MYH8: variants seen among roughly 807,000 people sequenced by gnomAD.
MYH8 encodes the protein myosin-8.
In MYH8, 168 loss-of-function variants were observed where a neutral mutation model predicts 233.2. That is an observed-to-expected ratio of 0.72 (90% CI 0.64 to 0.82). MYH8 has a LOEUF of 0.82. MYH8 is among the 40% of genes least tolerant of loss of function. The pLI is 0.00. For missense variants in MYH8, 1,995 were observed against 2,327.8 expected (o/e 0.86, Z 2.94); for synonymous variants, 785 against 850.6 (o/e 0.92, Z 1.34).
intron 17 of MYH8, among the ~76,000 whole-genome samples, chr17:10,407,853 TAAATA>T (rs1374609214): frequency 1.3e-5 from 2 of 150,512 alleles, no homozygotes; most frequent in African/African-American, 2.4e-5. Context: ...AAAAAATAAA[TAAATA>T]AAATAAAATA....
chr17:10,402,355 T>C (rs1185050017), intron 22 of MYH8, among the ~76,000 whole-genome samples: 1 of 152,230 alleles, frequency 6.6e-6, no homozygotes, highest in Non-Finnish European at 1.5e-5. Flanking sequence ...TATTTTTTAA[T>C]ACACTAAAAC....
rs1229462768 is a variant in MYH8, at chr17:10,419,837, T to C, written c.210+181A>G. On this transcript the variant is annotated intron_variant, in intron 3 of 39. Coordinates refer to ENST00000403437, the MANE Select transcript of MYH8 (RefSeq NM_002472.3). The surrounding 1 kb of genome is among the most constrained non-coding windows in gnomAD (Gnocchi z 4.0). ...TAGTGGGGTGAGGTCCTGTGCGAAG[T>C]TGGGAAGGGAAGACATGAAGGTACT... Among the ~76,000 whole-genome samples the C allele has an allele frequency of 6.6e-6, 1 of 152,102 alleles. No homozygotes were observed. Among genetic ancestry groups the C allele is most frequent in the Admixed American group, 6.5e-5 (1 of 15,276 alleles).
intron 39 of MYH8, among the ~76,000 whole-genome samples, chr17:10,391,576 A>G (rs1227557568): frequency 6.6e-6 from 1 of 152,116 alleles, no homozygotes; most frequent in Non-Finnish European, 1.5e-5. Flanking sequence ...GCTACTGGAG[A>G]GGCTGAGGCA....
In MYH8 at chr17:10,400,725, T is replaced by G; in HGVS notation, c.3400A>C (p.Lys1134Gln). 6.2e-7 allele frequency: 1 copy of G among 1,614,200 alleles called. No homozygotes were observed. The highest frequency in any genetic ancestry group is 8.5e-7 in the Non-Finnish European group (1 of 1,180,046). ...EIEAERASRA[K>Q]AEKQRSDLSR... ...AGGTCAGAGCGCTGCTTCTCCGCTTTGGCTCGGGACGCCCTCTCTGCCTCG... is the reference window on the plus strand; with the variant it reads ...AGGTCAGAGCGCTGCTTCTCCGCTTGGGCTCGGGACGCCCTCTCTGCCTCG... Residue 1134 changes from lysine to glutamine, a missense_variant, in exon 27 of 40, where the codon AAA becomes CAA. By Grantham distance (53) the Lys-to-Gln change is moderately conservative. This residue lies in a region of MYH8 where 1,498 missense variants were observed against 1,680.9 expected (regional missense o/e 0.89). Coordinates refer to ENST00000403437, the MANE Select transcript of MYH8 (RefSeq NM_002472.3). This position sits in a 1 kb window ranked among gnomAD's most constrained non-coding sequence, Gnocchi z 4.0.
At chr17:10,403,721 G>A (rs914385580) in intron 22 of MYH8, among the ~76,000 whole-genome samples, 2 of 152,206 alleles carry the variant, frequency 1.3e-5, no homozygotes, top group East Asian at 1.9e-4. Context: ...CTGAACCAAG[G>A]AAATGGGAGG....
Position 10,395,153 on chromosome 17 carries a change from T to A in MYH8, c.4942A>T (p.Asn1648Tyr). ...TTTACCTTCAGGATTCCTTGGGTGT[T>A]CCTGTAGTTCCTTAAACTCTCTGCA... ...LAAESLRNYR[N>Y]TQGILKETQL... Residue 1648 changes from asparagine (N) to tyrosine (Y), a missense_variant, in exon 34 of 40, where the codon AAC (asparagine) becomes TAC (tyrosine). Physicochemically the swap from Asn to Tyr is moderately radical, Grantham distance 143. Around this residue, in one of 3 missense-constraint regions of MYH8, gnomAD observed 1,498 missense variants for 1,680.9 expected, o/e 0.89. Coordinates refer to ENST00000403437, the MANE Select transcript of MYH8 (RefSeq NM_002472.3). 6.2e-7 allele frequency: 1 copy of A among 1,613,570 alleles called. No individual in the cohort carries two copies. Among genetic ancestry groups the A allele is most frequent in the Non-Finnish European group, 8.5e-7 (1 of 1,180,012 alleles).
intron 22 of MYH8, among the ~76,000 whole-genome samples, chr17:10,402,529 A>G (rs1016754535): frequency 2.6e-5 from 4 of 152,066 alleles, no homozygotes; most frequent in African/African-American, 9.7e-5. Flanking sequence ...TAATACAATA[A>G]ATTGCCATAT....
At chr17:10,412,244 C>A in intron 14 of MYH8, 126 bp downstream of exon 14, 1 of 1,578,534 alleles carries the variant, frequency 6.3e-7, no homozygotes, top group Non-Finnish European at 8.7e-7. Context: ...TTGGAGATAA[C>A]CTTTGTTCTA....
chr17:10,409,552 T>C lies in MYH8; in HGVS notation c.1624A>G (p.Met542Val). The C allele has an allele frequency of 6.2e-7, 1 of 1,614,246 alleles. No homozygotes were observed. The highest frequency in any genetic ancestry group is 8.5e-7 in the Non-Finnish European group (1 of 1,180,038). Residue 542 changes from methionine to valine, a missense_variant, in exon 16 of 40, where the codon ATG (methionine) becomes GTG (valine). Physicochemically the swap from Met to Val is conservative, Grantham distance 21. Transcript: ENST00000403437. ...GIFSILEEEC[M>V]FPKATDTSFK... is the part of the protein sequence containing the mutation. ...GAGGTGTCCGTTGCCTTAGGGAACA[T>C]GCACTCCTCTTCCAGGATGGAGAAG...
chr17:10,414,954 A>T lies in MYH8; in HGVS notation c.805+162T>A, dbSNP rs144874569. ...TCAAGTCTGAGATTGAGATAAAGGG[A>T]GCACTCAGTGGATTATGGGTAAGCC... On this transcript the variant is annotated intron_variant, in intron 9 of 39. Coordinates refer to ENST00000403437, the MANE Select transcript of MYH8 (RefSeq NM_002472.3). Among the ~76,000 whole-genome samples the T allele has an allele frequency of 3.9e-4, 60 of 152,314 alleles. No individual in the cohort carries two copies. In the East Asian group the frequency reaches 8.1e-3, roughly 21 times the overall value.
Position 10,412,712 on chromosome 17 carries a change from GGCT to G in MYH8, c.1161_1163del (p.Ala388del). On this transcript the variant is annotated inframe_deletion, in exon 13 of 40. Coordinates refer to ENST00000403437, the MANE Select transcript of MYH8 (RefSeq NM_002472.3). ...CTGCAGAGTTCAGACTCTGGAGATA[GGCT>G]GCCTTGTCAGCGACTGCAGAGACAC... is the stretch of plus-strand genomic sequence containing the variant. The G allele has an allele frequency of 6.2e-7, 1 of 1,614,116 alleles. No homozygotes were observed. The highest frequency in any genetic ancestry group is 8.5e-7 in the Non-Finnish European group (1 of 1,179,976).
intron 22 of MYH8, among the ~76,000 whole-genome samples, chr17:10,403,298 T>C (rs1022615074): frequency 3.3e-5 from 5 of 152,180 alleles, no homozygotes; most frequent in Non-Finnish European, 5.9e-5. Flanking sequence ...CAATAAAGTT[T>C]TTATAAGTGA....
In MYH8 at chr17:10,400,269, ATATAT is replaced by A; in HGVS notation, c.3735+116_3735+120del. The A allele has an allele frequency of 7.8e-7, 1 of 1,280,898 alleles. No homozygotes were observed. The highest frequency in any genetic ancestry group is 1.1e-6 in the Non-Finnish European group (1 of 890,608). 79.3% of individuals were successfully genotyped at this position (1,280,898 alleles called of 1,614,324 possible). On this transcript the variant is annotated intron_variant, in intron 27 of 39. Transcript: ENST00000403437. The surrounding 1 kb of genome is among the most constrained non-coding windows in gnomAD (Gnocchi z 4.0). ...ATTTTAAAAAATACCATAGAATGGG[ATATAT>A]TTGGTTAGAAAATATTTGAGTAGTG...
Position 10,418,898 on chromosome 17 carries a change from A to G in MYH8, c.343T>C (p.Trp115Arg). The part of the protein sequence containing the change: ...LYNLKERYAA[W>R]MIYTYSGLFC... ...TTACAGACACTCACGTAGATCATCC[A>G]GGCTGCATAGCGCTCTTTGAGGTTG... The change falls in exon 4 of 40, where the codon TGG becomes CGG. Residue 115 changes from tryptophan to arginine, a missense_variant. By Grantham distance (101) the Trp-to-Arg change is moderately radical. This residue lies in a region of MYH8 where 479 missense variants were observed against 600.9 expected (regional missense o/e 0.80). Transcript: ENST00000403437. 1.2e-6 allele frequency: 2 copies of G among 1,614,146 alleles called. No homozygotes were observed. The highest frequency in any genetic ancestry group is 1.7e-6 in the Non-Finnish European group (2 of 1,180,010).
Position 10,406,921 on chromosome 17 carries a change from C to T in MYH8, c.2024G>A (p.Cys675Tyr), listed in dbSNP as rs530070079. The T allele has an allele frequency of 9.9e-6, 16 of 1,614,074 alleles. No individual in the cohort carries two copies. In the Middle Eastern group the frequency reaches 4.9e-4, roughly 50 times the overall value. ...LRSTHPHFVR[C>Y]IIPNETKTPG... ...AGTTTTGGTTTCATTGGGAATGATA[C>T]ACCGTACGAAGTGAGGGTGTGTGCT... Residue 675 changes from cysteine to tyrosine, a missense_variant, in exon 18 of 40, where the codon TGT (cysteine) becomes TAT (tyrosine). By Grantham distance (194) the Cys-to-Tyr change is radical (BLOSUM62 -2). This residue lies in a region of MYH8 where 1,498 missense variants were observed against 1,680.9 expected (regional missense o/e 0.89). Coordinates refer to ENST00000403437, the MANE Select transcript of MYH8 (RefSeq NM_002472.3).
At chr17:10,408,224 C>G (rs2072213475) in intron 17 of MYH8, among the ~76,000 whole-genome samples, 1 of 151,996 alleles carries the variant, frequency 6.6e-6, no homozygotes, top group Non-Finnish European at 1.5e-5. Flanking sequence ...CAGGTGTGAG[C>G]CACTGCGCCC....
chr17:10,413,378 C>T (rs779919470), intron 12 of MYH8, among the ~76,000 whole-genome samples: 1 of 152,140 alleles, frequency 6.6e-6, no homozygotes, highest in African/African-American at 2.4e-5. Flanking sequence ...ATATTGCGTG[C>T]TCTTTCCATA....
In MYH8 at chr17:10,394,332, G is replaced by A; in HGVS notation, c.5083C>T (p.Leu1695=). 1 of 1,614,116 alleles carries A rather than the reference G, an allele frequency of 6.2e-7. No homozygotes were observed. Residue 1695 remains leucine (L), a synonymous_variant, in exon 35 of 40, where the codon CTG becomes TTG. Coordinates refer to ENST00000403437, the MANE Select transcript of MYH8 (RefSeq NM_002472.3). ...TTCCTGCTTCTCTCTGTCTGTTCCA[G>A]AGTGGCCCACAGCTCCTCGATCTCA... ...QAEIEELWAT[L]EQTERSRKIA...
rs2072321756 is a variant in MYH8, at chr17:10,419,959, G to T, written c.210+59C>A. On this transcript the variant is annotated intron_variant, in intron 3 of 39. Transcript: ENST00000403437. The surrounding 1 kb of genome is among the most constrained non-coding windows in gnomAD (Gnocchi z 4.0). Reference sequence around the variant, plus strand: ...GGCTTGGAGATTCCCAGTAAGTTAGGCTTCAACTTTTGAACCAAGAAATAA... The same window carrying T: ...GGCTTGGAGATTCCCAGTAAGTTAGTCTTCAACTTTTGAACCAAGAAATAA... 3.2e-6 allele frequency: 5 copies of T among 1,555,006 alleles called. No homozygotes were observed. The African/African-American group carries it at 4.1e-5, about 13-fold the overall frequency.
Sources: gnomAD v4.1 joint callset for allele counts (sites outside exome capture counted in the v4.1 genomes callset) on GRCh38, gnomAD v4.1.1 for gene constraint, gnomAD v4.1.1 regional missense constraint, Gnocchi (gnomAD v3.1) non-coding constraint, MANE v1.5 for transcripts, NCBI Gene and HGNC (gene_info 2026-07-23, HGNC 2026-07-21) for gene names.